The following CSF2RA variants were observed in gnomAD, a reference collection of about 807,000 sequenced individuals.
CSF2RA encodes the protein granulocyte-macrophage colony-stimulating factor receptor subunit alpha.
A neutral mutation model predicts 51.6 loss-of-function variants in CSF2RA; 42 were observed. The observed-to-expected ratio is 0.81, with a 90% CI of 0.64 to 1.05. CSF2RA has a LOEUF of 1.05. Among genes scored for constraint, CSF2RA ranks in the 50% least tolerant of loss-of-function variants. The pLI, the probability that CSF2RA is intolerant of heterozygous loss-of-function variation, is 0.00. For missense variants in CSF2RA, 530 were observed against 501.1 expected, an observed-to-expected ratio of 1.06 and a Z score of -0.55; for synonymous variants, 222 against 193.0, an observed-to-expected ratio of 1.15 and a Z score of -1.24.
At chrX:1,302,358 G>A (rs2083078454) in intron 10 of CSF2RA, among the ~76,000 whole-genome samples, 1 of 152,048 alleles carries the variant, frequency 6.6e-6, no homozygotes, top group Non-Finnish European at 1.5e-5. Context: ...TCAACAAAGG[G>A]TACAGAAGAA....
intron 2 of CSF2RA, among the ~76,000 whole-genome samples, chrX:1,281,052 C>CTTCTCCTCCTCCT (rs1160188879): frequency 1.7e-3 from 17 of 9,992 alleles, no homozygotes; most frequent in Admixed American, 3.2e-3. Context: ...CCTCCTGCTC[C>CTTCTCCTCCTCCT]CCTTCTCCTC....
intron 10 of CSF2RA, among the ~76,000 whole-genome samples, chrX:1,301,331 C>CAAAAAAAAAAAAAAAAAA (rs1156943650): frequency 1.6e-5 from 1 of 62,690 alleles, no homozygotes. Flanking sequence ...GACTCTGTCT[C>CAAAAAAAAAAAAAAAAAA]AAAAAAAAAA....
chrX:1,282,256 A>G (rs181926628), intron 2 of CSF2RA: 158 of 195,378 alleles, frequency 8.1e-4, no homozygotes, highest in African/African-American at 3.5e-3. Flanking sequence ...AGTTATGAAA[A>G]TGAAAACCTG....
chrX:1,305,356 G>T (rs769502087), intron 11 of CSF2RA, 90 bp from the exon 12 acceptor site: 1 of 1,395,436 alleles, frequency 7.2e-7, no homozygotes, highest in Non-Finnish European at 1.0e-6. Flanking sequence ...CAGACACCCC[G>T]CACGCAGCAT....
chrX:1,301,515 A>G (rs2148612818), intron 10 of CSF2RA, among the ~76,000 whole-genome samples: 1 of 151,628 alleles, frequency 6.6e-6, no homozygotes, highest in Non-Finnish European at 1.5e-5. Flanking sequence ...CCACTGGGAA[A>G]CAATCAGTCA....
At chrX:1,315,022 A>G (rs67550409), downstream of CSF2RA, among the ~76,000 whole-genome samples, 75,067 of 103,126 alleles carry the variant, frequency 0.73, 28,295 homozygotes, top group East Asian at 0.84. Context: ...CTGCCCAACC[A>G]CACTGCACCA....
intron 3 of CSF2RA, 71 bp downstream of exon 3, chrX:1,282,850 T>G: frequency 7.8e-7 from 1 of 1,286,574 alleles, no homozygotes. Context: ...GAGACCCATC[T>G]GGATACCTGG....
chrX:1,286,268 G>A (rs1247167581), intron 4 of CSF2RA, among the ~76,000 whole-genome samples: 36 of 143,108 alleles, frequency 2.5e-4, no homozygotes, highest in Non-Finnish European at 5.2e-4. Context: ...GCGAGACTCT[G>A]TCTCATAAAA....
intron 2 of CSF2RA, among the ~76,000 whole-genome samples, chrX:1,281,000 C>T (rs1359569607): frequency 1.6e-5 from 2 of 122,374 alleles, no homozygotes; most frequent in South Asian, 2.9e-4. Flanking sequence ...TCCTTCTCCT[C>T]CTCCTCCTTC....
At chrX:1,296,037 A>G (rs1278192473) in intron 9 of CSF2RA, among the ~76,000 whole-genome samples, 4 of 148,692 alleles carry the variant, frequency 2.7e-5, no homozygotes, top group African/African-American at 7.5e-5. Flanking sequence ...TTCCCTATTC[A>G]TGACCCCTAG....
At chrX:1,317,831 G>C in the CSF2RA span, among the ~76,000 whole-genome samples, 1 of 151,696 alleles carries the variant, frequency 6.6e-6, no homozygotes, top group Non-Finnish European at 1.5e-5. Context: ...GTAAGAGATT[G>C]CTAGGAAGAT....
chrX:1,309,521 G>A lies in CSF2RA; in HGVS notation c.*42G>A, dbSNP rs145365005. 6.8e-5 allele frequency: 109 copies of A among 1,613,850 alleles called. No individual in the cohort carries two copies. The highest frequency in any genetic ancestry group is 2.3e-4 in the Admixed American group (14 of 59,990). ...GAATGGCATGGACATCTCCGCCTCC[G>A]CGACACGGGGGAACTGTTTTCTTGA... On this transcript the variant is annotated 3_prime_UTR_variant, in exon 13 of 13. Coordinates refer to ENST00000381529, the MANE Select transcript of CSF2RA (RefSeq NM_172245.4).
intron 10 of CSF2RA, among the ~76,000 whole-genome samples, chrX:1,301,600 T>C (rs1206461269): frequency 2.5e-4 from 36 of 143,318 alleles, no homozygotes; most frequent in East Asian, 8.1e-4. Flanking sequence ...TTTTTCTTTT[T>C]TTTTTTTTTT....
intron 8 of CSF2RA, among the ~76,000 whole-genome samples, chrX:1,294,971 C>A (rs1217123551): frequency 3.1e-5 from 1 of 32,042 alleles, no homozygotes; most frequent in African/African-American, 1.3e-4. Context: ...AGAGAGACTG[C>A]CTCACGTCCA....
chrX:1,286,419 A>G, intron 4 of CSF2RA, among the ~76,000 whole-genome samples: 1 of 151,876 alleles, frequency 6.6e-6, no homozygotes, highest in African/African-American at 2.4e-5. Flanking sequence ...AAATACAAAA[A>G]TTAGTCGGGC....
chrX:1,321,855 T>C, the CSF2RA span, among the ~76,000 whole-genome samples: 2 of 152,018 alleles, frequency 1.3e-5, no homozygotes, highest in Non-Finnish European at 2.9e-5. Flanking sequence ...ATCAGCCGGG[T>C]GCGGTGGCTC....
chrX:1,319,935 C>A, the CSF2RA span, among the ~76,000 whole-genome samples: 1 of 148,940 alleles, frequency 6.7e-6, no homozygotes, highest in Non-Finnish European at 1.5e-5. Context: ...TCGCTCTGTC[C>A]CCCAGGCCAG....
Position 1,309,458 on chromosome X carries a change from G to C in CSF2RA, c.1182G>C (p.Leu394Phe). The C allele has an allele frequency of 1.9e-6, 3 of 1,614,034 alleles. No homozygotes were observed. The highest frequency in any genetic ancestry group is 1.7e-5 in the Admixed American group (1 of 60,006). The change falls in exon 13 of 13, where the codon TTG (leucine) becomes TTC (phenylalanine). Residue 394 changes from leucine (L) to phenylalanine (F), a missense_variant. Transcript: ENST00000381529. ...GGAAAGGCTACCGCGAAGAGGTCTT[G>C]ACCGTGAAGGAAATTACCTGAGACC... ...EEGKGYREEVLTVKEIT is the reference protein window; with the variant it reads ...EEGKGYREEVFTVKEIT
chrX:1,271,332 A>ATTTTTTTTTT (rs752978804), intron 1 of CSF2RA, among the ~76,000 whole-genome samples: 1 of 14,446 alleles, frequency 6.9e-5, no homozygotes, highest in African/African-American at 1.6e-4. Flanking sequence ...TAATTTTTGT[A>ATTTTTTTTTT]TTTTTTTTTT....
Sources: allele counts gnomAD v4.1 joint callset (sites outside exome capture counted in the v4.1 genomes callset), GRCh38; gene constraint gnomAD v4.1.1; transcripts MANE v1.5; gene names NCBI Gene and HGNC (gene_info 2026-07-23, HGNC 2026-07-21).